WDR64: variants seen among roughly 807,000 people sequenced by gnomAD.
WDR64 encodes WD repeat-containing protein 64.
WDR64 carries 112 observed loss-of-function variants against 139.3 expected under a neutral mutation model. That is an observed-to-expected ratio of 0.80 (90% CI 0.69 to 0.94). WDR64 has a LOEUF of 0.94. WDR64 is among the 40% of genes least tolerant of loss of function. WDR64 has a pLI of 0.00. For missense variants in WDR64, 1,206 were observed against 1,293.1 expected, an observed-to-expected ratio of 0.93 and a Z score of 1.03; for synonymous variants, 444 against 437.7, an observed-to-expected ratio of 1.01 and a Z score of -0.18.
intron 14 of WDR64, among the ~76,000 whole-genome samples, chr1:241,751,306 T>C (rs187450885): frequency 3.3e-5 from 5 of 152,224 alleles, no homozygotes; most frequent in Admixed American, 3.3e-4. Flanking sequence ...AGCTTTATAA[T>C]AAATTTCTTT....
intron 3 of WDR64, among the ~76,000 whole-genome samples, chr1:241,671,989 A>G (rs1291787694): frequency 6.6e-6 from 1 of 152,184 alleles, no homozygotes; most frequent in Non-Finnish European, 1.5e-5. Flanking sequence ...AGCCTGGCCA[A>G]CATAATGAAA....
chr1:241,733,437 T>C (rs552865575), intron 10 of WDR64, among the ~76,000 whole-genome samples: 1 of 151,942 alleles, frequency 6.6e-6, no homozygotes, highest in Non-Finnish European at 1.5e-5. Flanking sequence ...ATCATGCCAT[T>C]GCACTCCAGC....
chr1:241,711,335 G>A (rs1668159538), intron 8 of WDR64, among the ~76,000 whole-genome samples: 1 of 152,158 alleles, frequency 6.6e-6, no homozygotes, highest in South Asian at 2.1e-4. Context: ...ACTGCAGTGG[G>A]AGTGGGAAGA....
At chr1:241,696,727 G>A (rs1008025227) in intron 8 of WDR64, among the ~76,000 whole-genome samples, 6 of 152,106 alleles carry the variant, frequency 3.9e-5, no homozygotes, top group African/African-American at 1.4e-4. Context: ...CAGTGAGGAT[G>A]ACCAGAGGTC....
intron 8 of WDR64, among the ~76,000 whole-genome samples, chr1:241,694,019 G>C (rs1442717292): frequency 6.6e-6 from 1 of 152,040 alleles, no homozygotes; most frequent in African/African-American, 2.4e-5. Context: ...ACTAAAAGTA[G>C]TACTAGGAAA....
chr1:241,712,197 A>G (rs1668198171), intron 9 of WDR64, among the ~76,000 whole-genome samples: 1 of 152,186 alleles, frequency 6.6e-6, no homozygotes, highest in South Asian at 2.1e-4. Context: ...TAGGTCTCCC[A>G]GGAGACCTGG....
chr1:241,746,380 T>C (rs1669755257), intron 13 of WDR64, among the ~76,000 whole-genome samples: 1 of 152,096 alleles, frequency 6.6e-6, no homozygotes, highest in Admixed American at 6.5e-5. Context: ...GACCTAGAAA[T>C]AGGCATTCCA....
At chr1:241,788,923 T>C (rs1488111124) in intron 24 of WDR64, among the ~76,000 whole-genome samples, 2 of 152,132 alleles carry the variant, frequency 1.3e-5, no homozygotes, top group Admixed American at 6.5e-5. Context: ...CTTTGGGCAA[T>C]TGCTTAGCCT....
At chr1:241,771,119 T>G (rs1024479526) in intron 18 of WDR64, among the ~76,000 whole-genome samples, 13 of 152,202 alleles carry the variant, frequency 8.5e-5, no homozygotes, top group African/African-American at 3.1e-4. Flanking sequence ...AGTTCCAATT[T>G]TATATATTTT....
chr1:241,742,484 G>A (rs1669586570), intron 12 of WDR64, among the ~76,000 whole-genome samples: 3 of 152,306 alleles, frequency 2.0e-5, no homozygotes, highest in Admixed American at 2.0e-4. Flanking sequence ...GGCGACGAGA[G>A]TGACCTCTGG....
chr1:241,703,216 T>A lies in WDR64; in HGVS notation c.975-8586T>A, dbSNP rs891928486. On this transcript the variant is annotated intron_variant, in intron 8 of 27. Coordinates refer to ENST00000437684, the MANE Select transcript of WDR64 (RefSeq NM_001367482.1). This position sits in a 1 kb window ranked among gnomAD's most constrained non-coding sequence, Gnocchi z 5.9. ...ACTCTGCTGACTCAGTAGCCCTGCT[T>A]CTTTAGCAATCACACAGTTCCCCTG... 1.1e-4 allele frequency among the ~76,000 whole-genome samples: 17 copies of A among 152,154 alleles called. No individual in the cohort carries two copies. The highest frequency in any genetic ancestry group is 2.4e-5 in the African/African-American group (1 of 41,432).
At chr1:241,771,977 T>C (rs1415390457) in intron 19 of WDR64, among the ~76,000 whole-genome samples, 1 of 136,720 alleles carries the variant, frequency 7.3e-6, no homozygotes, top group Non-Finnish European at 1.5e-5. Context: ...TATATATATA[T>C]ATATATATAT....
chr1:241,753,027 C>T (rs6668087), intron 14 of WDR64, among the ~76,000 whole-genome samples: 64,070 of 152,028 alleles, frequency 0.42, 15,064 homozygotes, highest in Middle Eastern at 0.62. Flanking sequence ...TCCACCAGTA[C>T]GTAGGAGTAC....
At chr1:241,721,337 A>T (rs1668601617) in intron 9 of WDR64, among the ~76,000 whole-genome samples, 1 of 152,044 alleles carries the variant, frequency 6.6e-6, no homozygotes, top group South Asian at 2.1e-4. Flanking sequence ...TGAAGAATGT[A>T]AAATGACTAT....
At chr1:241,714,117 C>T (rs1668307596) in intron 9 of WDR64, among the ~76,000 whole-genome samples, 1 of 152,160 alleles carries the variant, frequency 6.6e-6, no homozygotes. Context: ...CTACCTGGAT[C>T]TGGGAGAAGA....
At chr1:241,758,476 T>C (rs1670296537) in intron 15 of WDR64, among the ~76,000 whole-genome samples, 1 of 152,194 alleles carries the variant, frequency 6.6e-6, no homozygotes, top group South Asian at 2.1e-4. Context: ...GTACAGTTTA[T>C]ATAGAAAAGC....
intron 13 of WDR64, among the ~76,000 whole-genome samples, chr1:241,744,940 C>T (rs1669695328): frequency 6.6e-6 from 1 of 152,252 alleles, no homozygotes; most frequent in Admixed American, 6.5e-5. Flanking sequence ...TGTCACATTA[C>T]TCCTATATTG....
At chr1:241,692,797 G>A (rs1667349698) in intron 8 of WDR64, among the ~76,000 whole-genome samples, 1 of 152,106 alleles carries the variant, frequency 6.6e-6, no homozygotes, top group Non-Finnish European at 1.5e-5. Flanking sequence ...ACACAGATGG[G>A]AAATAAGCAT....
chr1:241,698,440 A>T (rs1315053189), intron 8 of WDR64, among the ~76,000 whole-genome samples: 1 of 152,056 alleles, frequency 6.6e-6, no homozygotes, highest in Non-Finnish European at 1.5e-5. Flanking sequence ...ACGATTGTTC[A>T]TTAATCTTCC....
Sources: gnomAD v4.1 joint callset for allele counts (sites outside exome capture counted in the v4.1 genomes callset) on GRCh38, gnomAD v4.1.1 for gene constraint, Gnocchi (gnomAD v3.1) non-coding constraint, MANE v1.5 for transcripts, NCBI Gene and HGNC (gene_info 2026-07-23, HGNC 2026-07-21) for gene names.